Variants in PALLD observed in about 807,000 individuals in gnomAD.
PALLD encodes palladin.
Under a neutral mutation model 123.5 loss-of-function variants are expected in PALLD, and 61 were observed. The observed-to-expected ratio is 0.49, with a 90% CI of 0.40 to 0.61. The LOEUF (loss-of-function observed/expected upper bound fraction) is 0.61, where lower values mean the gene tolerates loss of function less well. PALLD is among the 20% of genes least tolerant of loss of function. The probability of loss-of-function intolerance (pLI) is 0.00; values close to 1 mark genes in which losing one functional copy is unlikely to be tolerated. For synonymous variants in PALLD, 465 were observed against 496.4 expected, an observed-to-expected ratio of 0.94 and a Z score of 0.84; for missense variants, 1,273 against 1,377.0, an observed-to-expected ratio of 0.92 and a Z score of 1.20.
intron 10 of PALLD, among the ~76,000 whole-genome samples, chr4:168,834,564 C>G (rs372669081): frequency 1.3e-5 from 2 of 152,020 alleles, no homozygotes; most frequent in Admixed American, 1.3e-4. Flanking sequence ...TGGTGAAACC[C>G]GGTCTCTACT....
chr4:168,502,147 A>G (rs1280412032), intron 1 of PALLD, among the ~76,000 whole-genome samples: 1 of 152,158 alleles, frequency 6.6e-6, no homozygotes, highest in Non-Finnish European at 1.5e-5. Flanking sequence ...ATGCTGACTG[A>G]ATAAAACAAT....
chr4:168,881,065 C>T (rs1329982404), intron 10 of PALLD, among the ~76,000 whole-genome samples: 2 of 151,996 alleles, frequency 1.3e-5, no homozygotes, highest in East Asian at 1.9e-4. Flanking sequence ...CCATCACGTC[C>T]GTCTAGTTTT....
intron 2 of PALLD, among the ~76,000 whole-genome samples, chr4:168,560,991 T>G (rs2149575512): frequency 6.6e-6 from 1 of 152,200 alleles, no homozygotes; most frequent in Non-Finnish European, 1.5e-5. Context: ...GCACTGTCAG[T>G]GGAAAAGTAG....
At chr4:168,615,779 G>A (rs995074585) in intron 2 of PALLD, among the ~76,000 whole-genome samples, 15 of 152,176 alleles carry the variant, frequency 9.9e-5, no homozygotes, top group Non-Finnish European at 1.9e-4. Flanking sequence ...TAACCATTCC[G>A]AATCCCACCA....
At chr4:168,766,768 T>C (rs1026127633) in intron 10 of PALLD, among the ~76,000 whole-genome samples, 3 of 152,248 alleles carry the variant, frequency 2.0e-5, no homozygotes, top group African/African-American at 7.2e-5. Flanking sequence ...CTGTTGGATA[T>C]GATCTCAGTC....
intron 2 of PALLD, among the ~76,000 whole-genome samples, chr4:168,639,761 GTC>G (rs1262513283): frequency 6.6e-6 from 1 of 151,964 alleles, no homozygotes; most frequent in African/African-American, 2.4e-5. Flanking sequence ...AGCCAGGATG[GTC>G]TCGATCTTCT....
At chr4:168,517,273 CAT>C (rs1286361331) in intron 2 of PALLD, among the ~76,000 whole-genome samples, 2 of 151,990 alleles carry the variant, frequency 1.3e-5, no homozygotes, top group Non-Finnish European at 2.9e-5. Flanking sequence ...TAAATGTGTA[CAT>C]ATGTCAAAAA....
At chr4:168,919,566 G>C (rs1285741040) in intron 17 of PALLD, among the ~76,000 whole-genome samples, 1 of 149,324 alleles carries the variant, frequency 6.7e-6, no homozygotes, top group Non-Finnish European at 1.5e-5. Flanking sequence ...TGTACAGATA[G>C]ATCAGGAAAA....
intron 2 of PALLD, among the ~76,000 whole-genome samples, chr4:168,610,825 C>A (rs1290325067): frequency 6.6e-6 from 1 of 152,156 alleles, no homozygotes; most frequent in Non-Finnish European, 1.5e-5. Context: ...CAGCCAGCAG[C>A]CTGGTCATTT....
chr4:168,595,749 C>A (rs1771913519), intron 2 of PALLD, among the ~76,000 whole-genome samples: 1 of 152,050 alleles, frequency 6.6e-6, no homozygotes, highest in Non-Finnish European at 1.5e-5. Flanking sequence ...AAATAAAAAT[C>A]TGGCCTACAG....
At chr4:168,813,332 C>G (rs1376315763) in intron 10 of PALLD, among the ~76,000 whole-genome samples, 1 of 152,160 alleles carries the variant, frequency 6.6e-6, no homozygotes, top group African/African-American at 2.4e-5. Context: ...ATGCCCAACA[C>G]TTTCCTAGGT....
rs1750805484 is a variant in PALLD, at chr4:168,869,602, G to T, written c.1965-21320G>T. On this transcript the variant is annotated intron_variant, in intron 10 of 21. Transcript: ENST00000505667. This position sits in a 1 kb window ranked among gnomAD's most constrained non-coding sequence, Gnocchi z 4.5. Reference sequence around the variant, plus strand: ...GTAACAAACTTAGAAGAATGAAAAGGTAGAGATACAGCAGCATTAGTTGGA... The same window carrying T: ...GTAACAAACTTAGAAGAATGAAAAGTTAGAGATACAGCAGCATTAGTTGGA... Among the ~76,000 whole-genome samples the T allele has an allele frequency of 6.6e-6, 1 of 152,308 alleles. No homozygotes were observed. Among genetic ancestry groups the T allele is most frequent in the East Asian group, 1.9e-4 (1 of 5,184 alleles).
chr4:168,731,787 A>G (rs1787196938), intron 10 of PALLD, among the ~76,000 whole-genome samples: 1 of 152,220 alleles, frequency 6.6e-6, no homozygotes. Flanking sequence ...AGACCACCCT[A>G]AAGTTCCTGG....
chr4:168,556,876 G>A (rs1349663832), intron 2 of PALLD, among the ~76,000 whole-genome samples: 1 of 152,152 alleles, frequency 6.6e-6, no homozygotes, highest in Non-Finnish European at 1.5e-5. Context: ...AAGCCTAGAA[G>A]AAGTGGCTAC....
chr4:168,612,085 G>A (rs113061364), intron 2 of PALLD, among the ~76,000 whole-genome samples: 2,601 of 152,158 alleles, frequency 0.017, 63 homozygotes, highest in African/African-American at 0.058. Context: ...ACTTGAGCCC[G>A]AGAGGTTGAG....
intron 2 of PALLD, among the ~76,000 whole-genome samples, chr4:168,567,847 T>C (rs1270067560): frequency 1.3e-5 from 2 of 151,822 alleles, no homozygotes; most frequent in Non-Finnish European, 2.9e-5. Flanking sequence ...GGGTACAATG[T>C]ACGCTATTTG....
intron 1 of PALLD, among the ~76,000 whole-genome samples, chr4:168,503,037 C>G (rs1222293717): frequency 6.6e-6 from 1 of 152,136 alleles, no homozygotes; most frequent in East Asian, 1.9e-4. Context: ...TGTGTCAAAT[C>G]CTATCCAGGG....
intron 2 of PALLD, among the ~76,000 whole-genome samples, chr4:168,514,069 G>A (rs1412539835): frequency 6.6e-6 from 1 of 151,472 alleles, no homozygotes; most frequent in Non-Finnish European, 1.5e-5. Context: ...TCATATCACT[G>A]TACTCCACTC....
chr4:168,634,719 A>T (rs1252539829), intron 2 of PALLD, among the ~76,000 whole-genome samples: 1 of 152,206 alleles, frequency 6.6e-6, no homozygotes, highest in East Asian at 1.9e-4. Flanking sequence ...CTGGTTAGAG[A>T]TGATTTAAAA....
Sources: allele counts gnomAD v4.1 joint callset (sites outside exome capture counted in the v4.1 genomes callset), GRCh38; gene constraint gnomAD v4.1.1; non-coding constraint Gnocchi (gnomAD v3.1); transcripts MANE v1.5; gene names NCBI Gene and HGNC (gene_info 2026-07-23, HGNC 2026-07-21).